Variants in BICD1 observed in about 807,000 individuals in gnomAD.
The protein encoded by BICD1 is protein bicaudal D homolog 1.
Under a neutral mutation model 92.5 loss-of-function variants are expected in BICD1, and 35 were observed. The observed-to-expected ratio is 0.38, with a 90% CI of 0.29 to 0.50. The LOEUF (loss-of-function observed/expected upper bound fraction) is 0.50. Ranked by LOEUF, BICD1 falls within the 20% of genes least tolerant of loss-of-function variation. The pLI is 0.93. For missense variants in BICD1, 950 were observed against 1,189.8 expected, an observed-to-expected ratio of 0.80 and a Z score of 2.97; for synonymous variants, 429 against 465.1, an observed-to-expected ratio of 0.92 and a Z score of 1.00.
At chr12:32,234,528 G>A (rs759661352) in intron 2 of BICD1, among the ~76,000 whole-genome samples, 12 of 151,482 alleles carry the variant, frequency 7.9e-5, no homozygotes, top group South Asian at 6.2e-4. Flanking sequence ...CCTGGGAGGC[G>A]GAGGTTGTGG....
At chr12:32,114,429 T>C (rs1224820921) in intron 1 of BICD1, among the ~76,000 whole-genome samples, 3 of 152,144 alleles carry the variant, frequency 2.0e-5, no homozygotes, top group Non-Finnish European at 4.4e-5. Flanking sequence ...TCACCTAGGC[T>C]GGAGTACAGT....
At chr12:32,324,270 G>A (rs865862844) in intron 4 of BICD1, among the ~76,000 whole-genome samples, 2 of 150,474 alleles carry the variant, frequency 1.3e-5, no homozygotes, top group East Asian at 2.0e-4. Context: ...CAGAAGAATC[G>A]CTTGAACCCG....
intron 2 of BICD1, among the ~76,000 whole-genome samples, chr12:32,248,282 T>C (rs1946440393): frequency 6.6e-6 from 1 of 152,094 alleles, no homozygotes; most frequent in Non-Finnish European, 1.5e-5. Flanking sequence ...CCTGAGGTGA[T>C]AGGAACCAAG....
Position 32,254,189 on chromosome 12 carries a change from G to A in BICD1, c.426+37730G>A, listed in dbSNP as rs1475571484. On this transcript the variant is annotated intron_variant, in intron 2 of 9. Coordinates refer to ENST00000652176, the MANE Select transcript of BICD1 (RefSeq NM_001714.4). ...TATCCCACCTGCCGTATTCACTGCCGAATCCCACCTGCCATAATCACTGCC... is the reference window on the plus strand; with the variant it reads ...TATCCCACCTGCCGTATTCACTGCCAAATCCCACCTGCCATAATCACTGCC... Among the ~76,000 whole-genome samples, 38 of 123,992 alleles carry A rather than the reference G, an allele frequency of 3.1e-4. 1 individual carries two copies. Among genetic ancestry groups the A allele is most frequent in the Middle Eastern group, 6.3e-3 (1 of 158 alleles). The allele number at this position is 123,992 out of a possible 152,430, so 81.3% of individuals were successfully genotyped here. A position where few individuals can be genotyped will look rare whatever the true frequency, so the allele number is the denominator to read the frequency against.
chr12:32,138,064 G>A (rs1942791933), intron 1 of BICD1, among the ~76,000 whole-genome samples: 1 of 152,168 alleles, frequency 6.6e-6, no homozygotes, highest in Non-Finnish European at 1.5e-5. Flanking sequence ...CTCCCAAAGT[G>A]CTGAGATTAC....
intron 8 of BICD1, among the ~76,000 whole-genome samples, chr12:32,346,606 ATATATACGTG>A (rs1201555661): frequency 1.0e-4 from 1 of 9,986 alleles, no homozygotes; most frequent in Non-Finnish European, 1.4e-4. Flanking sequence ...ATATATATAT[ATATATACGTG>A]TATATATATA....
At chr12:32,186,250 T>G (rs1435670051) in intron 1 of BICD1, among the ~76,000 whole-genome samples, 1 of 152,198 alleles carries the variant, frequency 6.6e-6, no homozygotes, top group Non-Finnish European at 1.5e-5. Flanking sequence ...CATTCAATAG[T>G]GAGGTGGCCA....
intron 3 of BICD1, among the ~76,000 whole-genome samples, chr12:32,295,923 G>A (rs1166375108): frequency 6.6e-6 from 1 of 152,118 alleles, no homozygotes; most frequent in Non-Finnish European, 1.5e-5. Context: ...AAAGTGCTGG[G>A]ATTACAAGCA....
chr12:32,175,701 C>G lies in BICD1; in HGVS notation c.214-40546C>G, dbSNP rs536284555. ...AATTTTTTCCTTAACTTTTTAAAAG[C>G]AACTTTATTGAAATATATTTTATAT... is the stretch of plus-strand genomic sequence containing the variant. On this transcript the variant is annotated intron_variant, in intron 1 of 9. Transcript: ENST00000652176. 1.2e-4 allele frequency among the ~76,000 whole-genome samples: 19 copies of G among 152,232 alleles called. No homozygotes were observed. In the Middle Eastern group the frequency reaches 0.01, roughly 82 times the overall value.
intron 1 of BICD1, among the ~76,000 whole-genome samples, chr12:32,110,479 A>G (rs1297443518): frequency 6.6e-6 from 1 of 152,196 alleles, no homozygotes; most frequent in African/African-American, 2.4e-5. Flanking sequence ...GCAGCTGGAC[A>G]GAGCAGTATG....
At chr12:32,172,287 A>G (rs1016721061) in intron 1 of BICD1, among the ~76,000 whole-genome samples, 6 of 151,996 alleles carry the variant, frequency 3.9e-5, no homozygotes, top group African/African-American at 1.4e-4. Context: ...ACCAGATACT[A>G]GTTATATAGA....
At chr12:32,216,769 A>C (rs1945374233) in intron 2 of BICD1, among the ~76,000 whole-genome samples, 1 of 152,180 alleles carries the variant, frequency 6.6e-6, no homozygotes, top group Admixed American at 6.5e-5. Flanking sequence ...TCCCTGCATT[A>C]GCTGGTTTAA....
At chr12:32,220,459 A>G (rs1455640654) in intron 2 of BICD1, among the ~76,000 whole-genome samples, 1 of 152,224 alleles carries the variant, frequency 6.6e-6, no homozygotes, top group Non-Finnish European at 1.5e-5. Context: ...TTCTCAGAAG[A>G]AGACATTTAT....
intron 8 of BICD1, among the ~76,000 whole-genome samples, chr12:32,342,204 G>GTATGTATA (rs1555170806): frequency 1.7e-5 from 2 of 119,302 alleles, no homozygotes; most frequent in Admixed American, 1.8e-4. Context: ...GTGTGTGTGT[G>GTATGTATA]TATATATATA....
At chr12:32,349,023 C>T (rs1482728076) in intron 8 of BICD1, among the ~76,000 whole-genome samples, 1 of 152,090 alleles carries the variant, frequency 6.6e-6, no homozygotes, top group Admixed American at 6.6e-5. Flanking sequence ...ACACCAAATC[C>T]ACAGTTTCTT....
intron 1 of BICD1, among the ~76,000 whole-genome samples, chr12:32,124,406 G>A (rs922966109): frequency 1.3e-5 from 2 of 152,086 alleles, no homozygotes; most frequent in Non-Finnish European, 2.9e-5. Context: ...GTGACCTTAG[G>A]CCAATATTTG....
intron 2 of BICD1, among the ~76,000 whole-genome samples, chr12:32,288,064 G>A (rs1947622357): frequency 6.6e-6 from 1 of 152,154 alleles, no homozygotes; most frequent in Non-Finnish European, 1.5e-5. Flanking sequence ...TGAGGCTCAG[G>A]CTCAGAACTC....
intron 4 of BICD1, among the ~76,000 whole-genome samples, chr12:32,316,138 A>G (rs1438584164): frequency 0.045 from 588 of 13,142 alleles, 3 homozygotes; most frequent in African/African-American, 0.12. Context: ...CCTGTCTCAA[A>G]AAAAAAAAAA....
chr12:32,112,358 A>G (rs1941729927), intron 1 of BICD1, among the ~76,000 whole-genome samples: 1 of 152,196 alleles, frequency 6.6e-6, no homozygotes, highest in Non-Finnish European at 1.5e-5. Context: ...TATTTCTCAG[A>G]TATAACTTAG....
Sources: gnomAD v4.1 joint callset for allele counts (sites outside exome capture counted in the v4.1 genomes callset) on GRCh38, gnomAD v4.1.1 for gene constraint, MANE v1.5 for transcripts, NCBI Gene and HGNC (gene_info 2026-07-23, HGNC 2026-07-21) for gene names.